Variants in JMJD1C observed in about 807,000 individuals in gnomAD.
JMJD1C encodes the protein jumonji domain containing 1C, also known as jumonji domain-containing protein 1C.
In JMJD1C, 31 loss-of-function variants were observed where a neutral mutation model predicts 245.3. The observed-to-expected ratio is 0.13, with a 90% CI of 0.09 to 0.17. The LOEUF (loss-of-function observed/expected upper bound fraction) is 0.17, where lower values mean the gene tolerates loss of function less well. JMJD1C is among the 10% of genes least tolerant of loss of function. The pLI, the probability that JMJD1C is intolerant of heterozygous loss-of-function variation, is 1.00. For missense variants in JMJD1C, 2,691 were observed against 3,000.2 expected, an observed-to-expected ratio of 0.90 and a Z score of 2.41; for synonymous variants, 1,057 against 1,017.4, an observed-to-expected ratio of 1.04 and a Z score of -0.74.
intron 1 of JMJD1C, among the ~76,000 whole-genome samples, chr10:63,508,529 A>AT (rs1383143718): frequency 2.0e-5 from 3 of 152,160 alleles, no homozygotes; most frequent in Admixed American, 1.3e-4. Flanking sequence ...ACTTAGTGGG[A>AT]TTTTGACTGT....
intron 3 of JMJD1C, among the ~76,000 whole-genome samples, chr10:63,264,179 G>A (rs1855231215): frequency 6.6e-6 from 1 of 151,642 alleles, no homozygotes; most frequent in South Asian, 2.1e-4. Flanking sequence ...CAATAATGGA[G>A]AACTGAAATT....
intron 2 of JMJD1C, among the ~76,000 whole-genome samples, chr10:63,272,320 C>T (rs1172374406): frequency 3.3e-5 from 5 of 151,830 alleles, no homozygotes; most frequent in East Asian, 1.9e-4. Context: ...GGCACAATCT[C>T]GGCTCACTGC....
At chr10:63,433,616 C>T (rs1159151531) in intron 1 of JMJD1C, among the ~76,000 whole-genome samples, 1 of 135,822 alleles carries the variant, frequency 7.4e-6, no homozygotes, top group Non-Finnish European at 1.5e-5. Context: ...GACAGGGTCT[C>T]GCTTTGATGC....
At chr10:63,521,568 G>A in intron 1 of JMJD1C, 1 of 1,427,996 alleles carries the variant, frequency 7.0e-7, no homozygotes, top group Non-Finnish European at 9.3e-7. Flanking sequence ...ATGATCTCCA[G>A]AGCCGTGGTG....
chr10:63,411,082 A>G (rs1474607266), intron 1 of JMJD1C, among the ~76,000 whole-genome samples: 1 of 152,178 alleles, frequency 6.6e-6, no homozygotes, highest in Admixed American at 6.5e-5. Flanking sequence ...TAGGAATCTA[A>G]TATATTAAGT....
At chr10:63,222,191 T>C in intron 3 of JMJD1C, 2 of 755,178 alleles carry the variant, frequency 2.6e-6, no homozygotes, top group East Asian at 4.9e-5. Flanking sequence ...TGTTATCAAC[T>C]TGACTGACAC....
At chr10:63,248,529 G>GATAGATAAATAAATAAATAAATAA (rs566828473) in intron 3 of JMJD1C, among the ~76,000 whole-genome samples, 4 of 137,010 alleles carry the variant, frequency 2.9e-5, no homozygotes, top group Admixed American at 1.5e-4. Context: ...TCAATAGATA[G>GATAGATAAATAAATAAATAAATAA]ATAAATAAAT....
rs538818737 is a variant in JMJD1C, at chr10:63,167,917, A to C, written c.*128T>G. On this transcript the variant is annotated 3_prime_UTR_variant, in exon 26 of 26. Transcript: ENST00000399262. Reference sequence around the variant, plus strand: ...TACTGCTGTGGTGTCAGTAACAAGTAATTACTACAAAGAGAATTTCTTGGC... The same window carrying C: ...TACTGCTGTGGTGTCAGTAACAAGTCATTACTACAAAGAGAATTTCTTGGC... The C allele has an allele frequency of 1.7e-4, 108 of 638,672 alleles. No homozygotes were observed. In the South Asian group the frequency reaches 2.0e-3, roughly 12 times the overall value. 39.6% of individuals were successfully genotyped at this position (638,672 alleles called of 1,614,324 possible).
chr10:63,339,924 A>ACCTGTAGTC (rs1328646265), intron 2 of JMJD1C, among the ~76,000 whole-genome samples: 1 of 152,078 alleles, frequency 6.6e-6, no homozygotes, highest in East Asian at 1.9e-4. Context: ...ACAGGCATGC[A>ACCTGTAGTC]CCTGTAGTCC....
chr10:63,454,950 T>A (rs1356366378), intron 1 of JMJD1C, among the ~76,000 whole-genome samples: 1 of 152,174 alleles, frequency 6.6e-6, no homozygotes, highest in Non-Finnish European at 1.5e-5. Flanking sequence ...ATAAGTTGAA[T>A]TGTGTAGTTC....
intron 2 of JMJD1C, among the ~76,000 whole-genome samples, chr10:63,332,447 G>C (rs1490356461): frequency 1.3e-5 from 2 of 152,174 alleles, no homozygotes; most frequent in Non-Finnish European, 2.9e-5. Flanking sequence ...ATGAATACTG[G>C]ATCCTTATAA....
rs773879435 is a variant in JMJD1C at position 63,191,124 on chromosome 10, TCA to T, written c.6077-18_6077-17del. The T allele has an allele frequency of 6.3e-7, 1 of 1,591,632 alleles. No individual in the cohort carries two copies. Among genetic ancestry groups the T allele is most frequent in the South Asian group, 1.1e-5 (1 of 90,534 alleles). On this transcript the variant is annotated splice_polypyrimidine_tract_variant and intron_variant, in intron 16 of 25. Transcript: ENST00000399262. ...TCTTTGTTTTCTGAAATAGAAAATT[TCA>T]CAGATTTTGTTTTGTTTTGTTTTGA...
At chr10:63,399,161 G>T (rs1948697919) in intron 1 of JMJD1C, among the ~76,000 whole-genome samples, 1 of 152,190 alleles carries the variant, frequency 6.6e-6, no homozygotes, top group South Asian at 2.1e-4. Flanking sequence ...CACTGCAGTT[G>T]TTATTCTTAC....
At chr10:63,275,923 C>T (rs1291416166) in intron 2 of JMJD1C, among the ~76,000 whole-genome samples, 1 of 152,114 alleles carries the variant, frequency 6.6e-6, no homozygotes, top group Admixed American at 6.6e-5. Context: ...ACATTGCCAT[C>T]ATTTTAACGA....
chr10:63,479,465 GTCC>G (rs1953764625), intron 1 of JMJD1C, among the ~76,000 whole-genome samples: 1 of 151,976 alleles, frequency 6.6e-6, no homozygotes, highest in African/African-American at 2.4e-5. Context: ...ATACTCAAAT[GTCC>G]TCAATTACCT....
chr10:63,458,677 T>C (rs1199620738), intron 1 of JMJD1C, among the ~76,000 whole-genome samples: 1 of 151,964 alleles, frequency 6.6e-6, no homozygotes, highest in East Asian at 1.9e-4. Context: ...ATTTTGGTAT[T>C]AAAAGTTTAT....
chr10:63,393,333 CACA>C (rs1948228314), intron 1 of JMJD1C, among the ~76,000 whole-genome samples: 1 of 151,954 alleles, frequency 6.6e-6, no homozygotes, highest in African/African-American at 2.4e-5. Flanking sequence ...ATATCTTAAC[CACA>C]ACGAGATCTT....
intron 2 of JMJD1C, among the ~76,000 whole-genome samples, chr10:63,371,759 C>G (rs1383601212): frequency 6.6e-6 from 1 of 152,048 alleles, no homozygotes; most frequent in African/African-American, 2.4e-5. Context: ...GCAATACATG[C>G]CAGTATTAGA....
intron 3 of JMJD1C, among the ~76,000 whole-genome samples, chr10:63,252,425 A>G (rs1470753943): frequency 1.3e-5 from 2 of 151,062 alleles, no homozygotes; most frequent in Admixed American, 1.3e-4. Flanking sequence ...CCTTAAGAAA[A>G]AAGACTAAGG....
Sources: allele counts gnomAD v4.1 joint callset (sites outside exome capture counted in the v4.1 genomes callset), GRCh38; gene constraint gnomAD v4.1.1; transcripts MANE v1.5; gene names NCBI Gene and HGNC (gene_info 2026-07-23, HGNC 2026-07-21).